MAD1L1: variants seen among roughly 807,000 people sequenced by gnomAD.
MAD1L1 encodes the protein mitotic spindle assembly checkpoint protein MAD1.
A neutral mutation model predicts 96.9 loss-of-function variants in MAD1L1; 95 were observed. The observed-to-expected ratio is 0.98, with a 90% confidence interval of 0.83 to 1.16. MAD1L1 has a LOEUF of 1.16. MAD1L1 is among the 50% of genes most tolerant of loss of function. The pLI is 0.00. For missense variants in MAD1L1, 1,007 were observed against 954.4 expected, an observed-to-expected ratio of 1.06 and a Z score of -0.73; for synonymous variants, 473 against 396.6, an observed-to-expected ratio of 1.19 and a Z score of -2.29.
At chr7:1,874,654 G>A (rs2128659300) in intron 18 of MAD1L1, 2 of 403,852 alleles carry the variant, frequency 5.0e-6, no homozygotes, top group Non-Finnish European at 9.8e-6. Flanking sequence ...TGACCCAGGA[G>A]GGAAAAGCAG....
At chr7:1,899,193 G>C (rs535597369) in intron 17 of MAD1L1, among the ~76,000 whole-genome samples, 1 of 152,322 alleles carries the variant, frequency 6.6e-6, no homozygotes, top group South Asian at 2.1e-4. Flanking sequence ...GAGCCATCAG[G>C]AGGATAACAG....
At chr7:2,147,637 G>T (rs1789375222) in intron 11 of MAD1L1, among the ~76,000 whole-genome samples, 1 of 152,176 alleles carries the variant, frequency 6.6e-6, no homozygotes, top group Non-Finnish European at 1.5e-5. Context: ...CTTCCCCAGG[G>T]CGGGTGCCCC....
intron 10 of MAD1L1, among the ~76,000 whole-genome samples, chr7:2,209,583 A>G (rs1356327354): frequency 6.6e-6 from 1 of 152,238 alleles, no homozygotes; most frequent in Non-Finnish European, 1.5e-5. Flanking sequence ...CCATGGTGGG[A>G]GAGCAGCGGT....
chr7:2,089,885 A>T (rs1432956780), intron 11 of MAD1L1, among the ~76,000 whole-genome samples: 1 of 152,222 alleles, frequency 6.6e-6, no homozygotes, highest in Non-Finnish European at 1.5e-5. Context: ...CACACCTGCC[A>T]TGAGATCAGA....
At chr7:1,998,717 TCCCC>T (rs1225303172) in intron 14 of MAD1L1, among the ~76,000 whole-genome samples, 1 of 149,992 alleles carries the variant, frequency 6.7e-6, no homozygotes, top group African/African-American at 2.5e-5. Flanking sequence ...TCTGGGTGTG[TCCCC>T]CACCAACCCC....
rs938666761 is a variant in MAD1L1 at position 2,165,442 on chromosome 7, C to T, written c.987-16204G>A. 2.0e-5 allele frequency among the ~76,000 whole-genome samples: 3 copies of T among 151,944 alleles called. No individual in the cohort carries two copies. The East Asian group carries it at 5.8e-4, about 30-fold the overall frequency. On this transcript the variant is annotated intron_variant, in intron 10 of 18. Coordinates refer to ENST00000265854, the MANE Select transcript of MAD1L1 (RefSeq NM_001013836.2). ...GTCCAGGCTCAGGGGATGCCTGAGC[C>T]GTCAGCATGAACCCACGGTCACACT...
rs568171976 is a variant in MAD1L1 at position 1,886,338 on chromosome 7, G to T, written c.1998+11862C>A. ...CTTATTCACAAGCCTGCTTCAGAAG[G>T]AAAGAACAGGGCAGCTACCAAGGTC... On this transcript the variant is annotated intron_variant, in intron 18 of 18. Transcript: ENST00000265854. Among the ~76,000 whole-genome samples, 75 of 152,352 alleles carry T rather than the reference G, an allele frequency of 4.9e-4. 1 individual carries two copies. The South Asian group carries it at 0.016, about 32-fold the overall frequency.
At chr7:1,836,923 T>C (rs1176971593) in intron 18 of MAD1L1, among the ~76,000 whole-genome samples, 1 of 152,166 alleles carries the variant, frequency 6.6e-6, no homozygotes, top group Non-Finnish European at 1.5e-5. Flanking sequence ...ATTTCTTAGA[T>C]ACGACAGCAA....
chr7:2,018,518 C>T (rs1782643373), intron 12 of MAD1L1, among the ~76,000 whole-genome samples: 2 of 152,346 alleles, frequency 1.3e-5, no homozygotes, highest in African/African-American at 4.8e-5. Context: ...ATGGCCACGC[C>T]TGGTGAGGCA....
chr7:1,833,984 T>C (rs1457625081), intron 18 of MAD1L1, among the ~76,000 whole-genome samples: 10 of 152,148 alleles, frequency 6.6e-5, no homozygotes, highest in Admixed American at 6.5e-4. Flanking sequence ...TCCGAGAATG[T>C]TCTCTGACAA....
intron 14 of MAD1L1, among the ~76,000 whole-genome samples, chr7:2,001,227 G>A (rs1781777269): frequency 6.6e-6 from 1 of 152,268 alleles, no homozygotes; most frequent in South Asian, 2.1e-4. Context: ...GCCGACAGCA[G>A]CTCTGCCTGT....
chr7:2,026,616 T>C (rs1783005928), intron 12 of MAD1L1, among the ~76,000 whole-genome samples: 1 of 152,158 alleles, frequency 6.6e-6, no homozygotes, highest in South Asian at 2.1e-4. Flanking sequence ...CACAGGGAGA[T>C]AATGCTAGAA....
intron 10 of MAD1L1, among the ~76,000 whole-genome samples, chr7:2,184,328 G>C (rs1341053236): frequency 6.6e-6 from 1 of 152,036 alleles, no homozygotes; most frequent in African/African-American, 2.4e-5. Context: ...ATTAGGGAAC[G>C]TGAGTTAAAG....
intron 12 of MAD1L1, among the ~76,000 whole-genome samples, chr7:2,065,505 G>A (rs117846099): frequency 5.2e-4 from 79 of 152,328 alleles, no homozygotes; most frequent in African/African-American, 1.4e-3. Context: ...CAGCGAGGAC[G>A]TGGGAGAGGG....
chr7:1,933,936 C>T (rs1318116598), intron 17 of MAD1L1, among the ~76,000 whole-genome samples: 1 of 152,188 alleles, frequency 6.6e-6, no homozygotes, highest in Non-Finnish European at 1.5e-5. Context: ...TCAGCTCCAC[C>T]CGCCGCCGGC....
chr7:1,935,748 G>A (rs1015623978), intron 17 of MAD1L1, among the ~76,000 whole-genome samples: 1 of 152,320 alleles, frequency 6.6e-6, no homozygotes, highest in Middle Eastern at 3.4e-3. Context: ...AGGTATCATC[G>A]GATGAAAGCT....
intron 10 of MAD1L1, among the ~76,000 whole-genome samples, chr7:2,197,691 T>C (rs1352093762): frequency 6.6e-6 from 1 of 152,208 alleles, no homozygotes; most frequent in Non-Finnish European, 1.5e-5. Flanking sequence ...TCTGCTCCTC[T>C]GGCTCTGCCA....
intron 18 of MAD1L1, among the ~76,000 whole-genome samples, chr7:1,880,748 C>T (rs770774932): frequency 2.6e-5 from 4 of 152,224 alleles, no homozygotes; most frequent in South Asian, 2.1e-4. Context: ...AGCTGTAGGG[C>T]GTCCCAGTCA....
At chr7:2,118,906 G>A (rs1400217534) in intron 11 of MAD1L1, among the ~76,000 whole-genome samples, 1 of 152,166 alleles carries the variant, frequency 6.6e-6, no homozygotes, top group Admixed American at 6.5e-5. Flanking sequence ...GCCACCCCGC[G>A]ATTGTGCCTC....
Sources: allele counts gnomAD v4.1 joint callset (sites outside exome capture counted in the v4.1 genomes callset), GRCh38; gene constraint gnomAD v4.1.1; transcripts MANE v1.5; gene names NCBI Gene and HGNC (gene_info 2026-07-23, HGNC 2026-07-21).